Variants in FRAS1 observed in about 807,000 individuals in gnomAD.
FRAS1 encodes the protein extracellular matrix organizing protein FRAS1.
In FRAS1, 290 loss-of-function variants were observed where a neutral mutation model predicts 435.2. The observed-to-expected ratio is 0.67, with a 90% CI of 0.61 to 0.73. The LOEUF (loss-of-function observed/expected upper bound fraction) is 0.73, where lower values mean the gene tolerates loss of function less well. FRAS1 is among the 30% of genes least tolerant of loss of function. FRAS1 has a pLI of 0.00. For missense variants in FRAS1, 4,860 were observed against 5,001.5 expected, an observed-to-expected ratio of 0.97 and a Z score of 0.85; for synonymous variants, 1,800 against 1,851.0, an observed-to-expected ratio of 0.97 and a Z score of 0.71.
chr4:78,396,817 A>C (rs935038624), intron 29 of FRAS1, among the ~76,000 whole-genome samples: 10 of 152,002 alleles, frequency 6.6e-5, no homozygotes, highest in African/African-American at 2.4e-4. Flanking sequence ...TGTTCTATTG[A>C]ATTTTTCAGT....
intron 17 of FRAS1, 49 bp from the exon 18 acceptor site, chr4:78,318,761 C>T: frequency 6.7e-7 from 1 of 1,496,564 alleles, no homozygotes; most frequent in Non-Finnish European, 9.0e-7. Flanking sequence ...AGATTTGCAA[C>T]ATATATTTGA....
chr4:78,142,522 A>G (rs367839228), intron 2 of FRAS1, among the ~76,000 whole-genome samples: 10 of 152,166 alleles, frequency 6.6e-5, no homozygotes, highest in Non-Finnish European at 1.5e-4. Context: ...AGGGTTGCAG[A>G]TAATGAACGG....
At chr4:78,116,320 G>A (rs890079144) in intron 2 of FRAS1, among the ~76,000 whole-genome samples, 1 of 152,188 alleles carries the variant, frequency 6.6e-6, no homozygotes, top group Non-Finnish European at 1.5e-5. Context: ...ATTTGGGGTG[G>A]AGAGTTCTGC....
chr4:78,190,914 A>C (rs1289604847), intron 2 of FRAS1, among the ~76,000 whole-genome samples: 1 of 152,208 alleles, frequency 6.6e-6, no homozygotes, highest in East Asian at 1.9e-4. Context: ...CAAAAGATGT[A>C]ATTAGGGTTA....
At chr4:78,373,257 T>G (rs1208955449) in intron 24 of FRAS1, among the ~76,000 whole-genome samples, 1 of 151,916 alleles carries the variant, frequency 6.6e-6, no homozygotes, top group African/African-American at 2.4e-5. Flanking sequence ...ACCATATAGC[T>G]CACAATCATC....
At chr4:78,304,114 C>T (rs1728574081) in intron 14 of FRAS1, among the ~76,000 whole-genome samples, 1 of 149,298 alleles carries the variant, frequency 6.7e-6, no homozygotes, top group South Asian at 2.1e-4. Flanking sequence ...TTAAGATAAT[C>T]ATGTGGTTTT....
rs145737463 is a variant in FRAS1, at chr4:78,429,721, A to T, written c.4843+495A>T. On this transcript the variant is annotated intron_variant, in intron 36 of 73. Transcript: ENST00000512123. ...ATTCTTTTATCAAGAACATTTTACT[A>T]ATAAACAGTAGGTATTGTGATTTTT... is the stretch of plus-strand genomic sequence containing the variant. Among the ~76,000 whole-genome samples the T allele has an allele frequency of 1.8e-4, 27 of 152,338 alleles. 1 individual carries two copies. In the East Asian group the frequency reaches 5.2e-3, roughly 29 times the overall value.
chr4:78,484,995 T>C (rs1416938287), intron 58 of FRAS1, among the ~76,000 whole-genome samples: 1 of 152,228 alleles, frequency 6.6e-6, no homozygotes, highest in African/African-American at 2.4e-5. Context: ...TTGAAATTGT[T>C]TCTTATTCTT....
At chr4:78,161,384 A>G (rs1396302272) in intron 2 of FRAS1, among the ~76,000 whole-genome samples, 2 of 152,080 alleles carry the variant, frequency 1.3e-5, no homozygotes, top group African/African-American at 2.4e-5. Context: ...ACTCTGTCAC[A>G]TGCAAGCTGT....
intron 38 of FRAS1, among the ~76,000 whole-genome samples, chr4:78,433,273 G>A (rs1386253301): frequency 1.3e-5 from 2 of 152,206 alleles, no homozygotes; most frequent in African/African-American, 4.8e-5. Flanking sequence ...TAAGGATAAT[G>A]AGGATGATTA....
Position 78,284,451 on chromosome 4 carries a change from C to T in FRAS1, c.1302C>T (p.His434=). 6.2e-7 allele frequency: 1 copy of T among 1,613,928 alleles called. No homozygotes were observed. The highest frequency in any genetic ancestry group is 2.2e-5 in the East Asian group (1 of 44,872). ...TGACATGCTCTCAGTCTCCAGACCACTGTGACCTCTGCCAAGATCCTACCA... is the reference window on the plus strand; with the variant it reads ...TGACATGCTCTCAGTCTCCAGACCATTGTGACCTCTGCCAAGATCCTACCA... The part of the protein sequence containing the change: ...DCLTCSQSPD[H]CDLCQDPTKL... Residue 434 remains histidine, a synonymous_variant, in exon 13 of 74, where the codon CAC becomes CAT. Coordinates refer to ENST00000512123, the MANE Select transcript of FRAS1 (RefSeq NM_025074.7).
chr4:78,355,267 T>C (rs961574680), intron 20 of FRAS1, among the ~76,000 whole-genome samples: 1 of 138,584 alleles, frequency 7.2e-6, no homozygotes, highest in Non-Finnish European at 1.7e-5. Context: ...AGCAAGGAGG[T>C]ACATATACAA....
chr4:78,168,206 T>G (rs1171591187), intron 2 of FRAS1, among the ~76,000 whole-genome samples: 1 of 152,036 alleles, frequency 6.6e-6, no homozygotes, highest in East Asian at 1.9e-4. Context: ...TATAGACTAA[T>G]GCCCTTTGTA....
intron 16 of FRAS1, among the ~76,000 whole-genome samples, chr4:78,316,829 C>T (rs1729275986): frequency 6.6e-6 from 1 of 152,168 alleles, no homozygotes; most frequent in African/African-American, 2.4e-5. Context: ...GAAAACTAGG[C>T]CAGGAGAGAC....
intron 2 of FRAS1, among the ~76,000 whole-genome samples, chr4:78,069,930 C>T (rs907733108): frequency 1.3e-5 from 2 of 152,016 alleles, no homozygotes; most frequent in African/African-American, 4.8e-5. Flanking sequence ...ATCAAGCATT[C>T]TATTTCTCAC....
chr4:78,215,630 C>T (rs1472522150), intron 2 of FRAS1, among the ~76,000 whole-genome samples: 1 of 152,190 alleles, frequency 6.6e-6, no homozygotes, highest in Admixed American at 6.5e-5. Context: ...TTCCCCAATC[C>T]CTTGGCAACC....
chr4:78,197,987 C>A (rs2110072267), intron 2 of FRAS1, among the ~76,000 whole-genome samples: 1 of 151,584 alleles, frequency 6.6e-6, no homozygotes, highest in Non-Finnish European at 1.5e-5. Context: ...TATAGCAGGA[C>A]TATGTAGCAG....
At chr4:78,065,253 A>C (rs78772843) in intron 1 of FRAS1, among the ~76,000 whole-genome samples, 12,991 of 147,790 alleles carry the variant, frequency 0.088, 1,575 homozygotes, top group African/African-American at 0.27. Context: ...ACATGTGTAT[A>C]TATATGTATA....
At chr4:78,194,320 C>G (rs918862463) in intron 2 of FRAS1, among the ~76,000 whole-genome samples, 2 of 152,166 alleles carry the variant, frequency 1.3e-5, no homozygotes, top group African/African-American at 4.8e-5. Flanking sequence ...TGTTGGCCTG[C>G]CTTGCTAGAT....
Sources: allele counts gnomAD v4.1 joint callset (sites outside exome capture counted in the v4.1 genomes callset), GRCh38; gene constraint gnomAD v4.1.1; transcripts MANE v1.5; gene names NCBI Gene and HGNC (gene_info 2026-07-23, HGNC 2026-07-21).